RARB: variants seen among roughly 807,000 people sequenced by gnomAD.
The protein encoded by RARB is retinoic acid receptor beta, also known as HBV-activated protein.
Under a neutral mutation model 51.9 loss-of-function variants are expected in RARB, and 17 were observed. The observed-to-expected ratio is 0.33, with a 90% CI of 0.22 to 0.49. RARB has a LOEUF of 0.49. Among genes scored for constraint, RARB ranks in the 20% least tolerant of loss-of-function variants. The pLI is 0.99. For synonymous variants in RARB, 215 were observed against 195.4 expected (o/e 1.10, Z -0.84); for missense variants, 369 against 550.8 (o/e 0.67, Z 3.30).
In RARB at chr3:25,195,730, A is replaced by G. The variant is rs1701216813; in HGVS notation, c.178+21155A>G. Among the ~76,000 whole-genome samples the G allele has an allele frequency of 2.6e-5, 4 of 152,184 alleles. No homozygotes were observed. In the South Asian group the frequency reaches 8.3e-4, roughly 32 times the overall value. Reference sequence around the variant, plus strand: ...ATTACAGCTTCATTCCCAGAATGAAAAGGGAAGTTAAGTCTAAATTAAAAT... The same window carrying G: ...ATTACAGCTTCATTCCCAGAATGAAGAGGGAAGTTAAGTCTAAATTAAAAT... On this transcript the variant is annotated intron_variant, in intron 5 of 11. Coordinates refer to the RARB transcript ENST00000383772.
chr3:25,204,225 A>T (rs151284580), intron 5 of RARB, among the ~76,000 whole-genome samples: 1 of 152,202 alleles, frequency 6.6e-6, no homozygotes, highest in South Asian at 2.1e-4. Context: ...CGAATCAGCT[A>T]CTGAAGCTTG....
intron 2 of RARB, among the ~76,000 whole-genome samples, chr3:24,902,335 G>C (rs7621935): frequency 6.6e-6 from 1 of 152,068 alleles, no homozygotes; most frequent in African/African-American, 2.4e-5. Context: ...CAACCAATGA[G>C]GTAGAATTTA....
At position 25,461,198 on chromosome 3, in the gene RARB, G is replaced by C. The variant is rs1695160527; in HGVS notation, c.163G>C (p.Glu55Gln). 6.2e-7 allele frequency: 1 copy of C among 1,608,130 alleles called. No individual in the cohort carries two copies. Reference sequence around the variant, plus strand: ...CTACCCCATCTCTATTATAGCAATTGAAACACAGAGCACCAGCTCTGAGGA... The same window carrying C: ...CTACCCCATCTCTATTATAGCAATTCAAACACAGAGCACCAGCTCTGAGGA... ...WQHRHTAQSI[E>Q]TQSTSSEELV... Residue 55 changes from glutamate (E) to glutamine (Q), a missense_variant, in exon 2 of 8, where the codon GAA becomes CAA. By Grantham distance (29) the Glu-to-Gln change is conservative. This residue lies in a region of RARB where 99 missense variants were observed against 95.1 expected (regional missense o/e 1.04). Transcript: ENST00000330688.
intron 2 of RARB, among the ~76,000 whole-genome samples, chr3:24,879,407 C>G (rs112606944): frequency 3.4e-5 from 5 of 147,940 alleles, no homozygotes; most frequent in Admixed American, 6.7e-5. Flanking sequence ...CCAGCCTGGG[C>G]GACAGAGCAA....
upstream of RARB, among the ~76,000 whole-genome samples, chr3:25,427,939 C>T (rs922025124): frequency 6.6e-6 from 1 of 152,038 alleles, no homozygotes; most frequent in Non-Finnish European, 1.5e-5. Flanking sequence ...GCTAAGCCGC[C>T]GCAAATAAAA....
chr3:24,855,986 G>A (rs1302329994), intron 1 of RARB, among the ~76,000 whole-genome samples: 1 of 152,044 alleles, frequency 6.6e-6, no homozygotes, highest in African/African-American at 2.4e-5. Flanking sequence ...TCCTGACCTT[G>A]TGATCCGCCC....
chr3:25,572,287 C>A (rs1426502443), intron 4 of RARB, among the ~76,000 whole-genome samples: 1 of 152,144 alleles, frequency 6.6e-6, no homozygotes, highest in East Asian at 1.9e-4. Context: ...GGTCAAAAAT[C>A]TTTATTATTA....
At chr3:25,038,961 C>T (rs1698058801) in intron 2 of RARB, among the ~76,000 whole-genome samples, 1 of 152,182 alleles carries the variant, frequency 6.6e-6, no homozygotes. Context: ...ACCCTTAATT[C>T]AGGTTCAGGC....
intron 1 of RARB, among the ~76,000 whole-genome samples, chr3:25,456,553 G>GTTTTT (rs1491545401): frequency 1.8e-4 from 13 of 72,002 alleles, no homozygotes; most frequent in Admixed American, 6.0e-4. Context: ...CTATACCACT[G>GTTTTT]ATTTTTTTTT....
At chr3:25,435,718 A>G (rs929631311) in intron 1 of RARB, among the ~76,000 whole-genome samples, 2 of 152,236 alleles carry the variant, frequency 1.3e-5, no homozygotes, top group African/African-American at 2.4e-5. Flanking sequence ...ATAAAAAGGC[A>G]TATATTTTAA....
intron 5 of RARB, among the ~76,000 whole-genome samples, chr3:25,342,703 G>T (rs940884322): frequency 6.6e-6 from 1 of 152,188 alleles, no homozygotes; most frequent in Non-Finnish European, 1.5e-5. Context: ...ACCTGCAGCT[G>T]AACGCAGCCC....
At chr3:25,186,212 T>C (rs1450283694) in intron 5 of RARB, among the ~76,000 whole-genome samples, 5 of 152,094 alleles carry the variant, frequency 3.3e-5, no homozygotes, top group Non-Finnish European at 1.5e-5. Flanking sequence ...CAACCTCATA[T>C]TGGTGATACA....
intron 5 of RARB, among the ~76,000 whole-genome samples, chr3:25,392,377 T>A (rs1281752606): frequency 1.3e-5 from 2 of 152,186 alleles, no homozygotes; most frequent in Non-Finnish European, 2.9e-5. Flanking sequence ...TGTGGGCTTT[T>A]TTTTTGGTTC....
At chr3:24,913,098 A>G (rs1413167400) in intron 2 of RARB, among the ~76,000 whole-genome samples, 1 of 147,602 alleles carries the variant, frequency 6.8e-6, no homozygotes, top group Non-Finnish European at 1.5e-5. Context: ...CTCCTGCCTC[A>G]GCCTCCTGAG....
At chr3:25,575,733 T>A (rs1210674532) in intron 4 of RARB, among the ~76,000 whole-genome samples, 1 of 152,188 alleles carries the variant, frequency 6.6e-6, no homozygotes, top group Non-Finnish European at 1.5e-5. Context: ...CCACCCTAAT[T>A]ACCTCATTTT....
intron 2 of RARB, among the ~76,000 whole-genome samples, chr3:25,484,175 A>G (rs544778800): frequency 1.8e-4 from 27 of 152,352 alleles, no homozygotes; most frequent in Admixed American, 9.8e-4. Context: ...AAAGGAGGGA[A>G]AGACATGATT....
chr3:25,504,203 G>T (rs1393865936), intron 3 of RARB, among the ~76,000 whole-genome samples: 1 of 152,192 alleles, frequency 6.6e-6, no homozygotes, highest in East Asian at 1.9e-4. Context: ...TGTTTTTGGG[G>T]CATTGTTTCT....
intron 2 of RARB, among the ~76,000 whole-genome samples, chr3:25,057,898 A>C (rs982786168): frequency 6.6e-6 from 1 of 152,036 alleles, no homozygotes; most frequent in Non-Finnish European, 1.5e-5. Flanking sequence ...TACTTAAATA[A>C]AAATGATGTA....
At chr3:25,014,789 A>T (rs1336590006) in intron 2 of RARB, among the ~76,000 whole-genome samples, 1 of 152,086 alleles carries the variant, frequency 6.6e-6, no homozygotes, top group African/African-American at 2.4e-5. Context: ...AGGATTGATA[A>T]TAGGGGCTGT....
Sources: allele counts gnomAD v4.1 joint callset (sites outside exome capture counted in the v4.1 genomes callset), GRCh38; gene constraint gnomAD v4.1.1; regional missense constraint gnomAD v4.1.1; transcripts MANE v1.5; gene names NCBI Gene and HGNC (gene_info 2026-07-23, HGNC 2026-07-21).